The following NIPBL variants were observed in gnomAD, a reference collection of about 807,000 sequenced individuals.
NIPBL encodes the protein nipped-B-like protein.
A neutral mutation model predicts 321.8 loss-of-function variants in NIPBL; 19 were observed. The ratio of observed to expected loss-of-function variants is 0.06; its 90% CI spans 0.04 to 0.09. The LOEUF is 0.09. Ranked by LOEUF, NIPBL falls within the 10% of genes least tolerant of loss-of-function variation. The probability of loss-of-function intolerance (pLI) is 1.00; values close to 1 mark genes in which losing one functional copy is unlikely to be tolerated. For synonymous variants in NIPBL, 1,106 were observed against 1,114.1 expected, an observed-to-expected ratio of 0.99 and a Z score of 0.14; for missense variants, 2,210 against 3,327.0, an observed-to-expected ratio of 0.66 and a Z score of 8.26.
intron 1 of NIPBL, among the ~76,000 whole-genome samples, chr5:36,880,393 ATCC>A (rs1425906822): frequency 1.3e-5 from 2 of 151,830 alleles, no homozygotes; most frequent in Non-Finnish European, 2.9e-5. Context: ...ATTTCATTTA[ATCC>A]TCCTTTCTGG....
At chr5:37,044,605 C>T in intron 35 of NIPBL, 31 bp from the exon 36 acceptor site, 1 of 1,594,384 alleles carries the variant, frequency 6.3e-7, no homozygotes. Context: ...ATATTTTTAA[C>T]TTTTATCTAA....
intron 8 of NIPBL, among the ~76,000 whole-genome samples, chr5:36,973,100 A>G (rs1169883666): frequency 2.6e-5 from 4 of 152,184 alleles, no homozygotes; most frequent in South Asian, 2.1e-4. Context: ...ATTGTAGTCA[A>G]ATAGCTTTAA....
At chr5:36,899,017 C>T (rs1041642511) in intron 1 of NIPBL, among the ~76,000 whole-genome samples, 7 of 152,060 alleles carry the variant, frequency 4.6e-5, no homozygotes, top group Non-Finnish European at 5.9e-5. Flanking sequence ...CTTCAGAAAA[C>T]TCTCAAGTGT....
intron 21 of NIPBL, among the ~76,000 whole-genome samples, chr5:37,014,145 G>A (rs1166490183): frequency 6.6e-6 from 1 of 152,180 alleles, no homozygotes; most frequent in Non-Finnish European, 1.5e-5. Flanking sequence ...GCAGTGAGCC[G>A]AGATGGCAGC....
At chr5:36,913,961 C>G (rs1037315909) in intron 1 of NIPBL, among the ~76,000 whole-genome samples, 3 of 152,180 alleles carry the variant, frequency 2.0e-5, no homozygotes, top group Non-Finnish European at 4.4e-5. Context: ...TATTCTTGCT[C>G]ACATTACTTA....
chr5:36,903,175 G>A (rs954649777), intron 1 of NIPBL, among the ~76,000 whole-genome samples: 1 of 152,128 alleles, frequency 6.6e-6, no homozygotes, highest in Non-Finnish European at 1.5e-5. Context: ...AATAGAGACT[G>A]TGGGGTTTTC....
At chr5:36,927,676 G>A (rs753037604) in intron 1 of NIPBL, among the ~76,000 whole-genome samples, 11 of 152,172 alleles carry the variant, frequency 7.2e-5, no homozygotes, top group East Asian at 1.9e-4. Context: ...GAAGAAGCAC[G>A]AAGAACAGTA....
At chr5:36,984,122 A>G (rs542381386) in intron 9 of NIPBL, among the ~76,000 whole-genome samples, 1 of 152,172 alleles carries the variant, frequency 6.6e-6, no homozygotes, top group East Asian at 1.9e-4. Flanking sequence ...AAATTATTAA[A>G]TTCTTTTTTT....
At chr5:37,041,868 A>G (rs1579545123) in intron 34 of NIPBL, among the ~76,000 whole-genome samples, 1 of 133,246 alleles carries the variant, frequency 7.5e-6, no homozygotes, top group African/African-American at 3.2e-5. Flanking sequence ...CCCAGCCACT[A>G]CATTTTTTTT....
rs1399538114 is a variant in NIPBL, at chr5:36,986,184, G to A, written c.3004G>A (p.Val1002Ile). Residue 1002 changes from valine (V) to isoleucine (I), a missense_variant, in exon 10 of 47, where the codon GTA (valine) becomes ATA (isoleucine). By Grantham distance (29) the Val-to-Ile change is conservative. This residue lies in a region of NIPBL where 381 missense variants were observed against 642.3 expected (regional missense o/e 0.59). Coordinates refer to ENST00000282516, the MANE Select transcript of NIPBL (RefSeq NM_133433.4). ...VEDLNKGAKP[V>I]VVLQKLSLDD... The stretch of plus-strand genomic sequence containing the variant: ...AGATCTAAATAAAGGAGCTAAGCCT[G>A]TAGTTGTGCTACAAAAACTGTCTTT... 3 of 1,610,336 alleles carry A rather than the reference G, an allele frequency of 1.9e-6. No homozygotes were observed. Among genetic ancestry groups the A allele is most frequent in the Non-Finnish European group, 1.7e-6 (2 of 1,178,820 alleles).
chr5:36,885,446 G>A, intron 1 of NIPBL: 1 of 470,052 alleles, frequency 2.1e-6, no homozygotes, highest in South Asian at 1.7e-5. Context: ...CCAGAACAAG[G>A]AGACCCTCCA....
chr5:37,024,819 A>G, intron 30 of NIPBL, 100 bp downstream of exon 30: 1 of 911,682 alleles, frequency 1.1e-6, no homozygotes, highest in Non-Finnish European at 1.7e-6. Flanking sequence ...CAAACACTTT[A>G]CAATGAATCG....
At chr5:37,011,856 A>G (rs1344314967) in intron 21 of NIPBL, among the ~76,000 whole-genome samples, 1 of 152,210 alleles carries the variant, frequency 6.6e-6, no homozygotes, top group African/African-American at 2.4e-5. Context: ...ACACCATATC[A>G]TAGAATCACA....
rs139930487 is a variant in NIPBL, at chr5:37,044,231, T to C, written c.6109-116T>C. On this transcript the variant is annotated intron_variant, in intron 34 of 46. Coordinates refer to ENST00000282516, the MANE Select transcript of NIPBL (RefSeq NM_133433.4). The stretch of plus-strand genomic sequence containing the variant: ...AAAAAAAACTCTAACAGACTTTTTT[T>C]TTTAACTGGACCTTTACGTGCAAAA... 3,679 of 934,188 alleles carry C rather than the reference T, an allele frequency of 3.9e-3. 22 individuals carry two copies. The highest frequency in any genetic ancestry group is 1.0e-2 in the Middle Eastern group (31 of 3,108). 57.9% of individuals were successfully genotyped at this position (934,188 alleles called of 1,614,324 possible). A position where few individuals can be genotyped will look rare whatever the true frequency, so the allele number is the denominator to read the frequency against.
chr5:36,969,420 A>G (rs542725688), intron 6 of NIPBL, among the ~76,000 whole-genome samples: 53 of 152,302 alleles, frequency 3.5e-4, no homozygotes, highest in African/African-American at 1.2e-3. Flanking sequence ...GAAAAATAAC[A>G]TATAGTGAAG....
At chr5:36,953,845 GTTCT>G in intron 2 of NIPBL, 85 bp downstream of exon 2, 1 of 1,210,442 alleles carries the variant, frequency 8.3e-7, no homozygotes, top group South Asian at 1.2e-5. Flanking sequence ...ATTATTATAG[GTTCT>G]TTAAAACACA....
intron 29 of NIPBL, 66 bp downstream of exon 29, chr5:37,022,456 T>G: frequency 1.4e-6 from 2 of 1,409,606 alleles, no homozygotes; most frequent in Non-Finnish European, 1.9e-6. Context: ...ATGTTTTGTT[T>G]TAAAGTGTTA....
At position 37,045,415 on chromosome 5, in the gene NIPBL, A is replaced by C. The variant is rs373012360; in HGVS notation, c.6344-28A>C. The C allele has an allele frequency of 2.7e-6, 4 of 1,499,236 alleles. No individual in the cohort carries two copies. In the Admixed American group the frequency reaches 7.0e-5, roughly 26 times the overall value. The allele number at this position is 1,499,236 out of a possible 1,614,324, so 92.9% of individuals were successfully genotyped here. A position where few individuals can be genotyped will look rare whatever the true frequency, so the allele number is the denominator to read the frequency against. On this transcript the variant is annotated intron_variant, in intron 36 of 46. Coordinates refer to ENST00000282516, the MANE Select transcript of NIPBL (RefSeq NM_133433.4). ...ACTTAGTAATTCAAAGATAAATATTATAAGTAAATATTACTTATCTTTATT... is the reference window on the plus strand; with the variant it reads ...ACTTAGTAATTCAAAGATAAATATTCTAAGTAAATATTACTTATCTTTATT...
chr5:37,010,900 G>A (rs1580462769), intron 21 of NIPBL, among the ~76,000 whole-genome samples: 1 of 151,912 alleles, frequency 6.6e-6, no homozygotes, highest in Non-Finnish European at 1.5e-5. Context: ...ATCTAAAATC[G>A]GAAATGCTCT....
Sources: allele counts gnomAD v4.1 joint callset (sites outside exome capture counted in the v4.1 genomes callset), GRCh38; gene constraint gnomAD v4.1.1; regional missense constraint gnomAD v4.1.1; transcripts MANE v1.5; gene names NCBI Gene and HGNC (gene_info 2026-07-23, HGNC 2026-07-21).